The following SPAST variants were observed in gnomAD, a reference collection of about 807,000 sequenced individuals.
The protein encoded by SPAST is spastin.
A neutral mutation model predicts 76.6 loss-of-function variants in SPAST; 30 were observed. The observed-to-expected ratio is 0.39, with a 90% CI of 0.29 to 0.53. The LOEUF (loss-of-function observed/expected upper bound fraction) is 0.53, where lower values mean the gene tolerates loss of function less well. Ranked by LOEUF, SPAST falls within the 20% of genes least tolerant of loss-of-function variation. The pLI, the probability that SPAST is intolerant of heterozygous loss-of-function variation, is 0.68. For synonymous variants in SPAST, 305 were observed against 281.0 expected (o/e 1.09, Z -0.86); for missense variants, 717 against 770.5 (o/e 0.93, Z 0.82).
At position 32,085,768 on chromosome 2, in the gene SPAST, G is replaced by A. The variant is rs924032157; in HGVS notation, c.416-1724G>A. ...AAGACTTCATGTGGCCAGGTGCGGT[G>A]GCTCGTGAGCGCCTGTAATCCCAGC... On this transcript the variant is annotated intron_variant, in intron 1 of 16. Transcript: ENST00000315285. 3.9e-5 allele frequency among the ~76,000 whole-genome samples: 6 copies of A among 152,100 alleles called. No homozygotes were observed. In the South Asian group the frequency reaches 6.2e-4, roughly 16 times the overall value.
chr2:32,064,126 C>CCTGCCT lies in SPAST; in HGVS notation c.297_302dup (p.Ser103_Ala104dup), dbSNP rs1676407521. On this transcript the variant is annotated inframe_insertion, in exon 1 of 17. Transcript: ENST00000315285. ...GAGGAGCTCCGGGGCCGCGCCAGCACCTGCCTCGGCCTCGGCCCCGGCGCC... is the reference window on the plus strand; with the variant it reads ...GAGGAGCTCCGGGGCCGCGCCAGCACCTGCCTCTGCCTCGGCCTCGGCCCCGGCGCC... 1.9e-6 allele frequency: 3 copies of CCTGCCT among 1,583,972 alleles called. No individual in the cohort carries two copies. The highest frequency in any genetic ancestry group is 2.6e-6 in the Non-Finnish European group (3 of 1,165,558).
chr2:32,115,136 C>T (rs935316209), intron 5 of SPAST, among the ~76,000 whole-genome samples: 6 of 151,680 alleles, frequency 4.0e-5, no homozygotes, highest in Admixed American at 6.6e-5. Context: ...TTAGTAGAGA[C>T]GGGGTTTCTC....
intron 4 of SPAST, among the ~76,000 whole-genome samples, chr2:32,110,490 T>G (rs1229318171): frequency 2.8e-5 from 4 of 142,956 alleles, no homozygotes. Flanking sequence ...TATATGTAAC[T>G]ATATATATAG....
At chr2:32,119,033 A>G (rs141481156) in intron 7 of SPAST, among the ~76,000 whole-genome samples, 1 of 152,294 alleles carries the variant, frequency 6.6e-6, no homozygotes, top group East Asian at 1.9e-4. Flanking sequence ...AAGTTGAATA[A>G]CCTGACCTCA....
intron 7 of SPAST, among the ~76,000 whole-genome samples, chr2:32,119,295 A>G (rs1028579403): frequency 1.3e-5 from 2 of 152,228 alleles, no homozygotes; most frequent in Admixed American, 1.3e-4. Flanking sequence ...GACTTATCCC[A>G]TAACACGCCT....
chr2:32,116,733 T>G (rs1484560116), intron 7 of SPAST, among the ~76,000 whole-genome samples: 2 of 152,178 alleles, frequency 1.3e-5, no homozygotes, highest in African/African-American at 4.8e-5. Flanking sequence ...TCCCAGAGTG[T>G]TAGGATTACA....
intron 12 of SPAST, among the ~76,000 whole-genome samples, chr2:32,138,190 C>T (rs1679604018): frequency 1.3e-5 from 2 of 152,302 alleles, no homozygotes; most frequent in South Asian, 4.1e-4. Flanking sequence ...AATGGGATTT[C>T]AGGGTCAAAG....
rs907857121 is a variant in SPAST at position 32,098,798 on chromosome 2, A to G, written c.589A>G (p.Lys197Glu). The change falls in exon 4 of 17, where the codon AAG becomes GAG. Residue 197 changes from lysine to glutamate, a missense_variant and splice_region_variant. This residue lies in a region of SPAST where 543 missense variants were observed against 445.2 expected (regional missense o/e 1.22). Transcript: ENST00000315285. ...TTTTTACCTTCTCTGTTGCATAGAG[A>G]AGATGCAACCAGTTTTGCCATTTTC... The part of the protein sequence containing the change: ...MAKDRLQLLE[K>E]MQPVLPFSKS... 1.9e-6 allele frequency: 3 copies of G among 1,602,250 alleles called. No homozygotes were observed. Among genetic ancestry groups the G allele is most frequent in the Non-Finnish European group, 2.6e-6 (3 of 1,169,640 alleles).
intron 12 of SPAST, among the ~76,000 whole-genome samples, chr2:32,139,791 T>C (rs936920353): frequency 4.7e-5 from 7 of 148,662 alleles, no homozygotes; most frequent in Non-Finnish European, 8.9e-5. Context: ...ATCGTGCCAC[T>C]GCACTGCAGC....
chr2:32,113,750 A>G (rs1573116317), intron 4 of SPAST, among the ~76,000 whole-genome samples: 1 of 148,832 alleles, frequency 6.7e-6, no homozygotes, highest in Non-Finnish European at 1.5e-5. Context: ...TATTTTTAGC[A>G]GAGACGAGGT....
At chr2:32,114,903 G>T in intron 5 of SPAST, 78 bp downstream of exon 5, 1 of 1,002,852 alleles carries the variant, frequency 1.0e-6, no homozygotes, top group Non-Finnish European at 1.6e-6. Flanking sequence ...TGCTTAAGTT[G>T]ATCATAAGTA....
intron 8 of SPAST, chr2:32,127,695 A>T (rs1388987591): frequency 6.8e-6 from 1 of 146,574 alleles, no homozygotes; most frequent in African/African-American, 2.5e-5. Flanking sequence ...AGAAGTTTTT[A>T]TCAGGCTCTG....
At chr2:32,097,032 T>G (rs141138719) in intron 3 of SPAST, among the ~76,000 whole-genome samples, 1 of 152,366 alleles carries the variant, frequency 6.6e-6, no homozygotes, top group East Asian at 1.9e-4. Flanking sequence ...GCATGGTACC[T>G]GTTTGTCAAA....
At chr2:32,075,774 G>A (rs752025403) in intron 1 of SPAST, among the ~76,000 whole-genome samples, 3 of 146,172 alleles carry the variant, frequency 2.1e-5, no homozygotes, top group African/African-American at 7.5e-5. Flanking sequence ...GGCTGGTCTC[G>A]AACTCCTGAG....
chr2:32,086,196 G>A (rs1161095127), intron 1 of SPAST, among the ~76,000 whole-genome samples: 1 of 152,078 alleles, frequency 6.6e-6, no homozygotes, highest in Non-Finnish European at 1.5e-5. Context: ...GGTCACTCAG[G>A]CTTGTAATCC....
At chr2:32,095,030 A>C (rs910063860) in intron 3 of SPAST, among the ~76,000 whole-genome samples, 2 of 152,216 alleles carry the variant, frequency 1.3e-5, no homozygotes, top group African/African-American at 2.4e-5. Flanking sequence ...TTTTAGAAGG[A>C]TCACTCTGGT....
intron 4 of SPAST, among the ~76,000 whole-genome samples, chr2:32,110,845 T>TCG (rs1558320297): frequency 9.5e-6 from 1 of 105,204 alleles, no homozygotes; most frequent in Admixed American, 1.0e-4. Context: ...GTATACTATA[T>TCG]AGTATATAGA....
chr2:32,155,488 C>A lies in SPAST; in HGVS notation c.*992C>A, dbSNP rs1205287079. ...GGATAATTATAAGCAAGTGGAACTA[C>A]CATCTTTTATTCTTAATAATTATTA... On this transcript the variant is annotated 3_prime_UTR_variant, in exon 17 of 17. Transcript: ENST00000315285. 2 of 152,408 alleles carry A rather than the reference C, an allele frequency of 1.3e-5. No homozygotes were observed. The highest frequency in any genetic ancestry group is 2.9e-5 in the Non-Finnish European group (2 of 67,984). The allele number at this position is 152,408 out of a possible 1,614,324, so 9.4% of individuals were successfully genotyped here.
intron 16 of SPAST, 96 bp downstream of exon 16, chr2:32,147,354 T>G (rs1397547021): frequency 7.0e-6 from 5 of 713,488 alleles, no homozygotes; most frequent in Non-Finnish European, 9.1e-6. Context: ...GGTTTTTTTT[T>G]TTTTTTTTTT....
Sources: gnomAD v4.1 joint callset for allele counts (sites outside exome capture counted in the v4.1 genomes callset) on GRCh38, gnomAD v4.1.1 for gene constraint, gnomAD v4.1.1 regional missense constraint, MANE v1.5 for transcripts, NCBI Gene and HGNC (gene_info 2026-07-23, HGNC 2026-07-21) for gene names.